The following ERC1 variants were observed in gnomAD, a reference collection of about 807,000 sequenced individuals.
ERC1 encodes ELKS/RAB6-interacting/CAST family member 1.
In ERC1, 56 loss-of-function variants were observed where a neutral mutation model predicts 132.0. The observed-to-expected ratio is 0.42, with a 90% CI of 0.34 to 0.53. The LOEUF is 0.53. Among genes scored for constraint, ERC1 ranks in the 20% least tolerant of loss-of-function variants. The pLI, the probability that ERC1 is intolerant of heterozygous loss-of-function variation, is 0.03. For synonymous variants in ERC1, 478 were observed against 476.1 expected, an observed-to-expected ratio of 1.00 and a Z score of -0.05; for missense variants, 1,202 against 1,349.9, an observed-to-expected ratio of 0.89 and a Z score of 1.72.
chr12:1,269,092 A>G (rs1000542841), intron 14 of ERC1, among the ~76,000 whole-genome samples: 1 of 152,248 alleles, frequency 6.6e-6, no homozygotes, highest in Admixed American at 6.5e-5. Context: ...ACAGATCTTT[A>G]TAACTTATTC....
At chr12:1,164,398 A>G (rs994930422) in intron 8 of ERC1, among the ~76,000 whole-genome samples, 1 of 151,790 alleles carries the variant, frequency 6.6e-6, no homozygotes, top group Admixed American at 6.6e-5. Context: ...CCTGGAGTGC[A>G]GTGGCGCTAT....
chr12:1,434,562 G>A (rs181756535), intron 17 of ERC1, among the ~76,000 whole-genome samples: 8 of 152,242 alleles, frequency 5.3e-5, no homozygotes, highest in East Asian at 3.9e-4. Flanking sequence ...TGTTCTTTGC[G>A]CTCATTCCAT....
At chr12:1,099,515 C>A (rs572566946) in intron 3 of ERC1, among the ~76,000 whole-genome samples, 1 of 152,218 alleles carries the variant, frequency 6.6e-6, no homozygotes, top group Non-Finnish European at 1.5e-5. Context: ...ACGTCAGGAT[C>A]TCCTAATTAC....
At chr12:1,146,777 C>A (rs186770929) in intron 8 of ERC1, among the ~76,000 whole-genome samples, 226 of 151,172 alleles carry the variant, frequency 1.5e-3, no homozygotes, top group African/African-American at 4.9e-3. Context: ...CTCCCCCAAC[C>A]CCCACCCCAC....
At chr12:1,061,944 T>A (rs1282948831) in intron 2 of ERC1, among the ~76,000 whole-genome samples, 1 of 151,860 alleles carries the variant, frequency 6.6e-6, no homozygotes, top group Non-Finnish European at 1.5e-5. Flanking sequence ...CTTTTGCTGT[T>A]TCCCAGAGGT....
At chr12:1,476,473 A>C (rs913233619) in intron 18 of ERC1, among the ~76,000 whole-genome samples, 21 of 152,200 alleles carry the variant, frequency 1.4e-4, no homozygotes, top group African/African-American at 5.1e-4. Flanking sequence ...CATGATCTGG[A>C]AAGAGCATTA....
intron 12 of ERC1, among the ~76,000 whole-genome samples, chr12:1,193,604 G>A (rs1416880756): frequency 1.3e-5 from 2 of 152,068 alleles, no homozygotes; most frequent in African/African-American, 4.8e-5. Flanking sequence ...GTAAAATCGT[G>A]GGGCTGGCTA....
chr12:1,385,471 G>C (rs1240758122), intron 16 of ERC1, among the ~76,000 whole-genome samples: 1 of 152,116 alleles, frequency 6.6e-6, no homozygotes, highest in East Asian at 1.9e-4. Context: ...TTTTAGTAGA[G>C]ACGGGGGTTT....
chr12:1,492,708 G>T lies in ERC1; in HGVS notation c.*2478G>T, dbSNP rs901012110. 4.3e-6 allele frequency: 1 copy of T among 232,788 alleles called. No individual in the cohort carries two copies. The highest frequency in any genetic ancestry group is 8.5e-6 in the Non-Finnish European group (1 of 117,734). 14.4% of individuals were successfully genotyped at this position (232,788 alleles called of 1,614,324 possible). A position where few individuals can be genotyped will look rare whatever the true frequency, so the allele number is the denominator to read the frequency against. ...TGAACAGCAAGGAATCTTCTTGACC[G>T]TTCTTGGGCACTGGAGGCTGGCTAG... On this transcript the variant is annotated 3_prime_UTR_variant, in exon 19 of 19. Coordinates refer to ENST00000360905, the MANE Select transcript of ERC1 (RefSeq NM_178040.4).
intron 15 of ERC1, among the ~76,000 whole-genome samples, chr12:1,351,782 T>C (rs1157520959): frequency 6.6e-6 from 1 of 152,192 alleles, no homozygotes; most frequent in Non-Finnish European, 1.5e-5. Context: ...AATCAGATCA[T>C]TTATTTTCTT....
chr12:1,450,814 T>C (rs76579671), intron 18 of ERC1, among the ~76,000 whole-genome samples: 14,728 of 152,252 alleles, frequency 0.097, 2,400 homozygotes, highest in African/African-American at 0.33. Flanking sequence ...ACTTGTTATT[T>C]TGTAGTCTTT....
intron 18 of ERC1, among the ~76,000 whole-genome samples, chr12:1,453,841 T>C (rs760468427): frequency 1.3e-5 from 2 of 152,226 alleles, no homozygotes; most frequent in Admixed American, 6.5e-5. Context: ...ATGCTAAATA[T>C]AGTATGATAT....
intron 15 of ERC1, among the ~76,000 whole-genome samples, chr12:1,308,124 GA>G (rs2081017186): frequency 6.6e-6 from 1 of 152,174 alleles, no homozygotes. Context: ...CTCTGACAGG[GA>G]TAGAGGCGAG....
chr12:1,162,029 A>G (rs1951928304), intron 8 of ERC1, among the ~76,000 whole-genome samples: 1 of 152,230 alleles, frequency 6.6e-6, no homozygotes, highest in Admixed American at 6.5e-5. Flanking sequence ...TAAGTTAGTC[A>G]CATACTGTGG....
intron 7 of ERC1, among the ~76,000 whole-genome samples, chr12:1,129,906 T>C (rs1175332007): frequency 6.6e-6 from 1 of 152,062 alleles, no homozygotes; most frequent in Non-Finnish European, 1.5e-5. Context: ...TATAATAGTA[T>C]GGCATAGACC....
intron 18 of ERC1, among the ~76,000 whole-genome samples, chr12:1,445,222 AT>A (rs137864873): frequency 0.07 from 6,299 of 90,614 alleles, 96 homozygotes; most frequent in African/African-American, 0.2. Flanking sequence ...TGTACAGTAG[AT>A]TTTTTTTTTT....
chr12:1,192,979 C>G (rs1489071725), intron 12 of ERC1, among the ~76,000 whole-genome samples: 2 of 152,132 alleles, frequency 1.3e-5, no homozygotes, highest in Admixed American at 6.5e-5. Flanking sequence ...ACTGTAGATT[C>G]AGCATGTAGA....
intron 13 of ERC1, among the ~76,000 whole-genome samples, chr12:1,246,334 G>T (rs1381627809): frequency 6.9e-6 from 1 of 144,294 alleles, no homozygotes; most frequent in Non-Finnish European, 1.5e-5. Flanking sequence ...GTGAGCAAAA[G>T]AAAAAAAAAA....
chr12:1,337,397 T>C (rs1037778839), intron 15 of ERC1, among the ~76,000 whole-genome samples: 5 of 152,152 alleles, frequency 3.3e-5, no homozygotes, highest in Non-Finnish European at 1.5e-5. Context: ...GTTTGCTTCG[T>C]AGATTTTTCT....
Sources: gnomAD v4.1 joint callset for allele counts (sites outside exome capture counted in the v4.1 genomes callset) on GRCh38, gnomAD v4.1.1 for gene constraint, MANE v1.5 for transcripts, NCBI Gene and HGNC (gene_info 2026-07-23, HGNC 2026-07-21) for gene names.